Variants in IQCJ observed in about 807,000 individuals in gnomAD.
IQCJ encodes the protein IQ domain-containing protein J.
A neutral mutation model predicts 11.0 loss-of-function variants in IQCJ; 9 were observed. That is an observed-to-expected ratio of 0.82 (90% confidence interval 0.49 to 1.43). IQCJ has a LOEUF of 1.43. Ranked by LOEUF, IQCJ falls within the 40% of genes most tolerant of loss-of-function variation. The pLI, the probability that IQCJ is intolerant of heterozygous loss-of-function variation, is 0.00. For missense variants in IQCJ, 146 were observed against 133.2 expected (o/e 1.10, Z -0.47); for synonymous variants, 55 against 51.3 (o/e 1.07, Z -0.31).
intron 1 of IQCJ, among the ~76,000 whole-genome samples, chr3:159,130,545 T>C (rs1305463994): frequency 6.6e-6 from 1 of 152,202 alleles, no homozygotes; most frequent in Non-Finnish European, 1.5e-5. Flanking sequence ...ATCTGTAAAA[T>C]GAGGATGATA....
At position 159,263,050 on chromosome 3, in the gene IQCJ, G is replaced by A. The variant is rs1728308990; in HGVS notation, c.*319G>A. ...TGATAGAAGATAAGATTGGTTATAA[G>A]GAGTAGAAAGAGAACTTTTACCAGA... is the stretch of plus-strand genomic sequence containing the variant. On this transcript the variant is annotated 3_prime_UTR_variant, in exon 4 of 4. Transcript: ENST00000397832. 3.0e-6 allele frequency: 3 copies of A among 1,013,066 alleles called. No homozygotes were observed. The highest frequency in any genetic ancestry group is 1.2e-6 in the Non-Finnish European group (1 of 847,088). The allele number at this position is 1,013,066 out of a possible 1,614,324, so 62.8% of individuals were successfully genotyped here. A position where few individuals can be genotyped will look rare whatever the true frequency, so the allele number is the denominator to read the frequency against.
chr3:159,192,509 G>A (rs1026936262), intron 1 of IQCJ, among the ~76,000 whole-genome samples: 1 of 152,136 alleles, frequency 6.6e-6, no homozygotes, highest in Non-Finnish European at 1.5e-5. Flanking sequence ...TTGTGACAAA[G>A]ACCTCAGCTA....
chr3:159,181,704 A>G (rs1723100967), intron 1 of IQCJ, among the ~76,000 whole-genome samples: 2 of 151,740 alleles, frequency 1.3e-5, no homozygotes, highest in Non-Finnish European at 2.9e-5. Context: ...GAGTCCTTCT[A>G]GAATCCTTCC....
At chr3:159,106,943 C>G (rs904518879) in intron 1 of IQCJ, among the ~76,000 whole-genome samples, 2 of 152,150 alleles carry the variant, frequency 1.3e-5, no homozygotes, top group African/African-American at 4.8e-5. Context: ...ATCAAGTCTG[C>G]TTTATAGGAG....
chr3:159,114,932 G>T lies in IQCJ; in HGVS notation c.9+45491G>T, dbSNP rs546644316. ...GGTTTCCTGCCCCCCTGCCCCCGGG[G>T]CTAGTGAGGAAGGGTTAGTGTGTAA... On this transcript the variant is annotated intron_variant, in intron 1 of 3. Coordinates refer to ENST00000397832, the MANE Select transcript of IQCJ (RefSeq NM_001042706.3). Among the ~76,000 whole-genome samples the T allele has an allele frequency of 4.7e-4, 71 of 151,516 alleles. 1 individual carries two copies. In the South Asian group the frequency reaches 0.014, roughly 29 times the overall value.
At chr3:159,253,132 C>T (rs1021269593) in intron 3 of IQCJ, among the ~76,000 whole-genome samples, 1 of 152,098 alleles carries the variant, frequency 6.6e-6, no homozygotes, top group Non-Finnish European at 1.5e-5. Context: ...TATCTTTGAA[C>T]AATTTGGTTA....
At chr3:159,164,749 CAGAG>C (rs1028674191) in intron 1 of IQCJ, among the ~76,000 whole-genome samples, 2 of 152,154 alleles carry the variant, frequency 1.3e-5, no homozygotes, top group African/African-American at 4.8e-5. Flanking sequence ...GCCTGGGTGA[CAGAG>C]AGAGACTCCA....
At chr3:159,235,989 C>G (rs1018465040) in intron 1 of IQCJ, among the ~76,000 whole-genome samples, 1 of 152,130 alleles carries the variant, frequency 6.6e-6, no homozygotes, top group Non-Finnish European at 1.5e-5. Context: ...GCTGTAAGAT[C>G]ACAGTCCCTC....
At chr3:159,248,752 A>T (rs747001186) in intron 2 of IQCJ, among the ~76,000 whole-genome samples, 3 of 152,158 alleles carry the variant, frequency 2.0e-5, no homozygotes, top group African/African-American at 4.8e-5. Context: ...GGCTCATTTC[A>T]CTTATTCAAT....
intron 3 of IQCJ, among the ~76,000 whole-genome samples, chr3:159,259,315 C>T (rs1036928405): frequency 6.6e-6 from 1 of 151,984 alleles, no homozygotes; most frequent in African/African-American, 2.4e-5. Context: ...AGAAGTAAAC[C>T]CTTACACTTT....
chr3:159,166,992 G>A (rs192403209), intron 1 of IQCJ, among the ~76,000 whole-genome samples: 218 of 152,282 alleles, frequency 1.4e-3, no homozygotes, highest in Non-Finnish European at 2.5e-3. Context: ...AAATTCTGTA[G>A]GAGGCAACCC....
chr3:159,243,879 T>G (rs1368292961), intron 1 of IQCJ, among the ~76,000 whole-genome samples: 1 of 152,230 alleles, frequency 6.6e-6, no homozygotes, highest in Non-Finnish European at 1.5e-5. Context: ...ATGGTTGGCT[T>G]AGACCAGACT....
chr3:159,081,106 C>T (rs1255617486), intron 1 of IQCJ, among the ~76,000 whole-genome samples: 1 of 152,082 alleles, frequency 6.6e-6, no homozygotes, highest in Admixed American at 6.6e-5. Flanking sequence ...TCATCATGGA[C>T]TCAAGTCCCC....
At chr3:159,168,684 A>T (rs1407432662) in intron 1 of IQCJ, among the ~76,000 whole-genome samples, 2 of 152,164 alleles carry the variant, frequency 1.3e-5, no homozygotes, top group Non-Finnish European at 2.9e-5. Flanking sequence ...TTGTTAATGA[A>T]ACAGCTTATT....
chr3:159,167,152 C>G (rs1722215306), intron 1 of IQCJ, among the ~76,000 whole-genome samples: 1 of 152,202 alleles, frequency 6.6e-6, no homozygotes, highest in African/African-American at 2.4e-5. Context: ...AATACCAGCA[C>G]AGGTATTTCT....
rs146712374 is a variant in IQCJ, at chr3:159,161,203, T to A, written c.10-84640T>A. Among the ~76,000 whole-genome samples the A allele has an allele frequency of 1.3e-3, 198 of 152,342 alleles. 1 individual carries two copies. The highest frequency in any genetic ancestry group is 4.7e-3 in the African/African-American group (196 of 41,574). On this transcript the variant is annotated intron_variant, in intron 1 of 3. Coordinates refer to ENST00000397832, the MANE Select transcript of IQCJ (RefSeq NM_001042706.3). ...TCCTCTCCAGCACCTGTTTCCTGAC[T>A]TTTTAATGATTGCCATTGTAACTGG... is the stretch of plus-strand genomic sequence containing the variant.
intron 1 of IQCJ, among the ~76,000 whole-genome samples, chr3:159,146,495 G>T (rs1385431957): frequency 6.6e-6 from 1 of 152,114 alleles, no homozygotes; most frequent in Non-Finnish European, 1.5e-5. Flanking sequence ...CACGATGCAA[G>T]CTTCTTTTAA....
At chr3:159,230,497 A>G (rs1726182637) in intron 1 of IQCJ, among the ~76,000 whole-genome samples, 1 of 152,220 alleles carries the variant, frequency 6.6e-6, no homozygotes, top group Admixed American at 6.5e-5. Context: ...TTATAATACA[A>G]GCTCAGAAAA....
chr3:159,167,791 A>G (rs1722255112), intron 1 of IQCJ, among the ~76,000 whole-genome samples: 2 of 152,180 alleles, frequency 1.3e-5, no homozygotes, highest in Non-Finnish European at 2.9e-5. Context: ...CAAAATAGAT[A>G]TATTTTGTCT....
Sources: gnomAD v4.1 joint callset for allele counts (sites outside exome capture counted in the v4.1 genomes callset) on GRCh38, gnomAD v4.1.1 for gene constraint, MANE v1.5 for transcripts, NCBI Gene and HGNC (gene_info 2026-07-23, HGNC 2026-07-21) for gene names.